The following FHIT variants were observed in gnomAD, a reference collection of about 807,000 sequenced individuals.
FHIT encodes bis(5'-adenosyl)-triphosphatase.
FHIT carries 19 observed loss-of-function variants against 17.9 expected under a neutral mutation model. The observed-to-expected ratio is 1.06, with a 90% CI of 0.74 to 1.56. The LOEUF is 1.56. Among genes scored for constraint, FHIT ranks in the 40% most tolerant of loss-of-function variants. The probability of loss-of-function intolerance (pLI) is 0.00; values close to 1 mark genes in which losing one functional copy is unlikely to be tolerated. For missense variants in FHIT, 248 were observed against 189.2 expected, an observed-to-expected ratio of 1.31 and a Z score of -1.82; for synonymous variants, 81 against 69.7, an observed-to-expected ratio of 1.16 and a Z score of -0.81.
chr3:60,132,463 C>T (rs73097532), intron 5 of FHIT, among the ~76,000 whole-genome samples: 32,572 of 152,014 alleles, frequency 0.21, 3,894 homozygotes, highest in Middle Eastern at 0.31. Flanking sequence ...AATTATAAGG[C>T]TAGCAAAAGT....
chr3:61,115,981 G>A (rs1344926156), intron 2 of FHIT, among the ~76,000 whole-genome samples: 1 of 152,106 alleles, frequency 6.6e-6, no homozygotes, highest in African/African-American at 2.4e-5. Flanking sequence ...GCACCAGATG[G>A]CTTACATAAT....
At chr3:61,058,595 C>G (rs1575933922) in intron 2 of FHIT, among the ~76,000 whole-genome samples, 1 of 152,266 alleles carries the variant, frequency 6.6e-6, no homozygotes, top group South Asian at 2.1e-4. Flanking sequence ...CCTTTAGTCT[C>G]TTTCTCCTGC....
intron 5 of FHIT, among the ~76,000 whole-genome samples, chr3:60,078,491 G>C (rs1703131363): frequency 6.6e-6 from 1 of 152,118 alleles, no homozygotes; most frequent in South Asian, 2.1e-4. Context: ...GAAAGACAAA[G>C]TCTGGGGAAT....
chr3:60,441,798 A>G (rs1358117701), intron 5 of FHIT, among the ~76,000 whole-genome samples: 3 of 65,578 alleles, frequency 4.6e-5, no homozygotes, highest in African/African-American at 8.5e-5. Flanking sequence ...ATATATATAT[A>G]TATATATATA....
At chr3:60,139,978 C>T (rs553734630) in intron 5 of FHIT, among the ~76,000 whole-genome samples, 56 of 151,954 alleles carry the variant, frequency 3.7e-4, no homozygotes, top group African/African-American at 1.1e-3. Flanking sequence ...AAAAATTAGC[C>T]GGGCATGGTG....
chr3:60,774,350 G>A (rs369680946), intron 4 of FHIT, among the ~76,000 whole-genome samples: 1 of 151,950 alleles, frequency 6.6e-6, no homozygotes, highest in Non-Finnish European at 1.5e-5. Context: ...GCCCAGGCTG[G>A]GGTGCAATGG....
chr3:59,881,947 T>G (rs1027194580), intron 8 of FHIT, among the ~76,000 whole-genome samples: 3 of 152,198 alleles, frequency 2.0e-5, no homozygotes, highest in African/African-American at 7.2e-5. Flanking sequence ...AATAGCAATA[T>G]GGGACAGGAG....
At chr3:61,249,300 C>T (rs1333211280) in intron 1 of FHIT, among the ~76,000 whole-genome samples, 3 of 152,158 alleles carry the variant, frequency 2.0e-5, no homozygotes, top group Non-Finnish European at 1.5e-5. Context: ...GGCCAGTTTC[C>T]TAATCTCTAA....
At chr3:60,563,372 T>C (rs1009994906) in intron 4 of FHIT, among the ~76,000 whole-genome samples, 4 of 152,202 alleles carry the variant, frequency 2.6e-5, no homozygotes, top group Non-Finnish European at 2.9e-5. Context: ...TTCTCAGATA[T>C]TGCATTTTTA....
In FHIT at chr3:60,241,929, G is replaced by T. The variant is rs547831185; in HGVS notation, c.104-227777C>A. Among the ~76,000 whole-genome samples, 25 of 152,006 alleles carry T rather than the reference G, an allele frequency of 1.6e-4. No individual in the cohort carries two copies. The South Asian group carries it at 3.3e-3, about 20-fold the overall frequency. On this transcript the variant is annotated intron_variant, in intron 5 of 9. Transcript: ENST00000492590. ...ACAGTAATTTATCTAAGTTTCCAAG[G>T]ATTTTAATATGTTCTTTAGCTCCTA...
At chr3:59,865,553 C>T (rs571854858) in intron 8 of FHIT, among the ~76,000 whole-genome samples, 7 of 152,328 alleles carry the variant, frequency 4.6e-5, no homozygotes, top group African/African-American at 2.4e-5. Flanking sequence ...TGGGATATAA[C>T]GAGGTGCCAA....
intron 2 of FHIT, among the ~76,000 whole-genome samples, chr3:61,181,921 T>C (rs990584068): frequency 1.3e-5 from 2 of 152,226 alleles, no homozygotes; most frequent in African/African-American, 4.8e-5. Flanking sequence ...AGATGACTGT[T>C]ACTATTCTTT....
chr3:60,738,922 C>G (rs1428507861), intron 4 of FHIT, among the ~76,000 whole-genome samples: 1 of 152,094 alleles, frequency 6.6e-6, no homozygotes, highest in Non-Finnish European at 1.5e-5. Context: ...TATCCTGTAC[C>G]CATATAAATC....
chr3:59,789,023 C>G (rs1409645425), intron 8 of FHIT, among the ~76,000 whole-genome samples: 1 of 152,030 alleles, frequency 6.6e-6, no homozygotes, highest in Non-Finnish European at 1.5e-5. Flanking sequence ...AGTGATATCG[C>G]ACTGCGTGCT....
chr3:60,841,696 T>C lies in FHIT; in HGVS notation c.-110-19685A>G, dbSNP rs186385122. On this transcript the variant is annotated intron_variant, in intron 3 of 9. Coordinates refer to ENST00000492590, the MANE Select transcript of FHIT (RefSeq NM_002012.4). ...CCAACAAGAAACCGCAAATGAAGGA[T>C]TTAAAATTCCATGCAGAGCAGCATA... Among the ~76,000 whole-genome samples the C allele has an allele frequency of 1.7e-3, 253 of 152,270 alleles. 1 individual carries two copies. The highest frequency in any genetic ancestry group is 6.8e-3 in the Middle Eastern group (2 of 294).
chr3:60,385,334 C>G (rs912112762), intron 5 of FHIT, among the ~76,000 whole-genome samples: 15 of 152,282 alleles, frequency 9.9e-5, no homozygotes, highest in Admixed American at 3.9e-4. Context: ...CCACAAAATG[C>G]AGTATACATG....
At chr3:60,173,251 A>G (rs1402741890) in intron 5 of FHIT, among the ~76,000 whole-genome samples, 1 of 152,142 alleles carries the variant, frequency 6.6e-6, no homozygotes, top group Non-Finnish European at 1.5e-5. Context: ...CTGGTATCTT[A>G]GGGTCCAGAT....
At chr3:59,877,614 G>C (rs1703222049) in intron 8 of FHIT, among the ~76,000 whole-genome samples, 1 of 152,202 alleles carries the variant, frequency 6.6e-6, no homozygotes, top group African/African-American at 2.4e-5. Flanking sequence ...CAGACATGCA[G>C]AGTAGAGGCT....
chr3:61,240,230 T>A (rs531876500), intron 1 of FHIT, among the ~76,000 whole-genome samples: 13 of 152,346 alleles, frequency 8.5e-5, no homozygotes, highest in African/African-American at 3.1e-4. Context: ...GATTTCAAAC[T>A]ACAGTGGCTA....
Sources: allele counts gnomAD v4.1 joint callset (sites outside exome capture counted in the v4.1 genomes callset), GRCh38; gene constraint gnomAD v4.1.1; transcripts MANE v1.5; gene names NCBI Gene and HGNC (gene_info 2026-07-23, HGNC 2026-07-21).